GPHN: variants seen among roughly 807,000 people sequenced by gnomAD.
The protein encoded by GPHN is gephyrin.
In GPHN, 17 loss-of-function variants were observed where a neutral mutation model predicts 95.5. The observed-to-expected ratio is 0.18, with a 90% CI of 0.12 to 0.27. The LOEUF is 0.27. Among genes scored for constraint, GPHN ranks in the 10% least tolerant of loss-of-function variants. GPHN has a pLI of 1.00. For missense variants in GPHN, 660 were observed against 978.1 expected (o/e 0.67, Z 4.34); for synonymous variants, 320 against 322.5 (o/e 0.99, Z 0.08).
chr14:67,571,536 C>T, the GPHN span: 1 of 501,202 alleles, frequency 2.0e-6, no homozygotes, highest in Middle Eastern at 5.2e-4. Context: ...TTGGGGACCA[C>T]AGAAGATGGT....
intron 10 of GPHN, 130 bp from the exon 11 acceptor site, chr14:67,058,519 G>A: frequency 1.3e-6 from 1 of 798,964 alleles, no homozygotes; most frequent in South Asian, 1.4e-5. Flanking sequence ...GGAGGCAGGA[G>A]AAACAGTTTC....
the GPHN span, among the ~76,000 whole-genome samples, chr14:67,439,096 C>G: frequency 2.0e-5 from 3 of 152,136 alleles, no homozygotes; most frequent in Non-Finnish European, 4.4e-5. Flanking sequence ...TCAGGCTGGC[C>G]TCTGCAGAGC....
At chr14:67,130,618 T>C (rs1192797804) in intron 17 of GPHN, among the ~76,000 whole-genome samples, 1 of 152,186 alleles carries the variant, frequency 6.6e-6, no homozygotes, top group Non-Finnish European at 1.5e-5. Flanking sequence ...CTTCTGGATA[T>C]ATACCCAGTG....
the GPHN span, chr14:67,223,876 A>G: frequency 1.0e-6 from 1 of 985,762 alleles, no homozygotes. Flanking sequence ...ACCCCAAGAA[A>G]AGCAAAGACT....
Position 67,023,679 on chromosome 14 carries a change from A to G in GPHN, c.1006+4A>G. On this transcript the variant is annotated splice_donor_region_variant and intron_variant, in intron 10 of 22. Coordinates refer to ENST00000478722, the MANE Select transcript of GPHN (RefSeq NM_020806.5). ...AAGGAGAACATTCTCAGAGCCAGTAAGTATTTTACCATTTCTGGTGGGCTG... is the reference window on the plus strand; with the variant it reads ...AAGGAGAACATTCTCAGAGCCAGTAGGTATTTTACCATTTCTGGTGGGCTG... 1 of 1,611,374 alleles carries G rather than the reference A, an allele frequency of 6.2e-7. No individual in the cohort carries two copies. The highest frequency in any genetic ancestry group is 8.5e-7 in the Non-Finnish European group (1 of 1,177,546).
intron 1 of GPHN, among the ~76,000 whole-genome samples, chr14:66,544,219 T>G (rs28497054): frequency 2.6e-5 from 4 of 151,992 alleles, no homozygotes; most frequent in Admixed American, 1.3e-4. Context: ...TACTCTTTCC[T>G]CAGGAGTCAC....
At chr14:67,559,714 AGGCCTGCCAGAGGCATGGCTG>A in the GPHN span, 10 of 1,525,348 alleles carry the variant, frequency 6.6e-6, no homozygotes, top group Non-Finnish European at 9.0e-6. Context: ...CTCATCTTGG[AGGCCTGCCAGAGGCATGGCTG>A]GGCCTGCCCT....
chr14:67,046,362 GA>G (rs2075017159), intron 10 of GPHN, among the ~76,000 whole-genome samples: 2 of 152,184 alleles, frequency 1.3e-5, no homozygotes, highest in South Asian at 4.1e-4. Flanking sequence ...ACTCTAGGCA[GA>G]AACAGCATCA....
At chr14:67,727,598 T>G in the GPHN span, 4 of 265,118 alleles carry the variant, frequency 1.5e-5, no homozygotes, top group Non-Finnish European at 2.2e-5. Context: ...TTCTCCTGCA[T>G]CAGCCTCTTG....
chr14:67,276,084 A>AT, the GPHN span, among the ~76,000 whole-genome samples: 7 of 152,046 alleles, frequency 4.6e-5, no homozygotes, highest in African/African-American at 1.7e-4. Flanking sequence ...GGATTCATTG[A>AT]TTTTTTGAAG....
the GPHN span, among the ~76,000 whole-genome samples, chr14:67,601,862 C>A: frequency 1.3e-5 from 2 of 151,540 alleles, no homozygotes; most frequent in South Asian, 4.2e-4. Context: ...CAGAGCAAGA[C>A]TGTGTCTATA....
At chr14:67,198,374 A>C in the GPHN span, 52 of 1,505,740 alleles carry the variant, frequency 3.5e-5, no homozygotes, top group Non-Finnish European at 4.3e-5. Flanking sequence ...TAATTTTCTC[A>C]AAGAAAACTG....
intron 1 of GPHN, among the ~76,000 whole-genome samples, chr14:66,532,350 G>T (rs1187232667): frequency 6.6e-6 from 1 of 152,122 alleles, no homozygotes; most frequent in East Asian, 1.9e-4. Flanking sequence ...TGATTCCTTA[G>T]CCTCATGGTG....
At chr14:67,063,561 G>A (rs1274149477) in intron 11 of GPHN, among the ~76,000 whole-genome samples, 3 of 152,168 alleles carry the variant, frequency 2.0e-5, no homozygotes, top group Non-Finnish European at 4.4e-5. Context: ...TTCTATCCAT[G>A]AGCATGGAAT....
At chr14:66,724,736 G>C (rs940182128) in intron 2 of GPHN, among the ~76,000 whole-genome samples, 3 of 152,148 alleles carry the variant, frequency 2.0e-5, no homozygotes, top group African/African-American at 7.2e-5. Flanking sequence ...AGAATATTCA[G>C]TATACCAACT....
intron 1 of GPHN, among the ~76,000 whole-genome samples, chr14:66,631,043 T>G (rs996358511): frequency 6.6e-6 from 1 of 151,956 alleles, no homozygotes; most frequent in African/African-American, 2.4e-5. Flanking sequence ...TCTTTTTTTT[T>G]GTTTTTGTTT....
chr14:66,684,044 G>A (rs934592730), intron 2 of GPHN, among the ~76,000 whole-genome samples: 17 of 151,730 alleles, frequency 1.1e-4, no homozygotes, highest in African/African-American at 4.1e-4. Flanking sequence ...TAGTCTGATG[G>A]TTATTAAAAT....
chr14:66,578,533 GT>G lies in GPHN; in HGVS notation c.64+69944del, dbSNP rs1249837643. On this transcript the variant is annotated intron_variant, in intron 1 of 22. Transcript: ENST00000478722. ...AAGACTTAGTAAAACTCTCAGAAGCGTTAAGACAAAGAGAGGATCCTGAAAG... is the reference window on the plus strand; with the variant it reads ...AAGACTTAGTAAAACTCTCAGAAGCGTAAGACAAAGAGAGGATCCTGAAAG... 2.0e-5 allele frequency among the ~76,000 whole-genome samples: 3 copies of G among 150,974 alleles called. No individual in the cohort carries two copies. In the East Asian group the frequency reaches 5.8e-4, roughly 29 times the overall value.
Position 67,159,459 on chromosome 14 carries a change from C to T in GPHN, c.1881C>T (p.Ile627=). 1 of 1,607,038 alleles carries T rather than the reference C, an allele frequency of 6.2e-7. No individual in the cohort carries two copies. Among genetic ancestry groups the T allele is most frequent in the Non-Finnish European group, 8.5e-7 (1 of 1,173,662 alleles). ...TGGACATTGATCTTCATGCTCAGAT[C>T]CATTTTGGCAGGGTTTTTATGAAAC... ...QVLDIDLHAQ[I]HFGRVFMKPG... is the part of the protein sequence containing the mutation. Residue 627 remains isoleucine (I), a synonymous_variant, in exon 19 of 23, where the codon ATC becomes ATT. Transcript: ENST00000478722.
Sources: allele counts gnomAD v4.1 joint callset (sites outside exome capture counted in the v4.1 genomes callset), GRCh38; gene constraint gnomAD v4.1.1; transcripts MANE v1.5; gene names NCBI Gene and HGNC (gene_info 2026-07-23, HGNC 2026-07-21).